The following PTPRK variants were observed in gnomAD, a reference collection of about 807,000 sequenced individuals.
The protein encoded by PTPRK is protein tyrosine phosphatase receptor type K, also known as receptor-type tyrosine-protein phosphatase kappa.
A neutral mutation model predicts 178.0 loss-of-function variants in PTPRK; 75 were observed. That is an observed-to-expected ratio of 0.42 (90% confidence interval 0.35 to 0.51). PTPRK has a LOEUF of 0.51. Ranked by LOEUF, PTPRK falls within the 20% of genes least tolerant of loss-of-function variation. PTPRK has a pLI of 0.02. For missense variants in PTPRK, 1,441 were observed against 1,797.8 expected, an observed-to-expected ratio of 0.80 and a Z score of 3.59; for synonymous variants, 637 against 620.6, an observed-to-expected ratio of 1.03 and a Z score of -0.39.
In PTPRK at chr6:128,208,486, G is replaced by A. The variant is rs1035655148; in HGVS notation, c.868+10436C>T. On this transcript the variant is annotated intron_variant, in intron 6 of 29. Transcript: ENST00000368226. ...AGAGGAAAAAGATTTCCACTTAACC[G>A]ACAACCAAAATACAGTCAGGAATCT... Among the ~76,000 whole-genome samples, 10 of 152,098 alleles carry A rather than the reference G, an allele frequency of 6.6e-5. 1 individual carries two copies. In the South Asian group the frequency reaches 1.2e-3, roughly 19 times the overall value.
At chr6:128,472,375 G>GAC in intron 1 of PTPRK, among the ~76,000 whole-genome samples, 1 of 150,652 alleles carries the variant, frequency 6.6e-6, no homozygotes, top group South Asian at 2.1e-4. Flanking sequence ...TTTGTTTTTT[G>GAC]ACACCCTCCC....
chr6:128,443,548 A>T (rs1846560639), intron 1 of PTPRK, among the ~76,000 whole-genome samples: 1 of 152,218 alleles, frequency 6.6e-6, no homozygotes, highest in Non-Finnish European at 1.5e-5. Context: ...TAGTCATCCA[A>T]GTGGCAGAGA....
Position 128,080,632 on chromosome 6 carries a change from T to C in PTPRK, c.1778-1714A>G, listed in dbSNP as rs1345426920. Among the ~76,000 whole-genome samples the C allele has an allele frequency of 2.6e-5, 4 of 152,082 alleles. No individual in the cohort carries two copies. In the East Asian group the frequency reaches 7.7e-4, roughly 29 times the overall value. On this transcript the variant is annotated intron_variant, in intron 10 of 29. Transcript: ENST00000368226. Reference sequence around the variant, plus strand: ...GTGTATATGTGTGTATGTGAATGTATGTGTATGTATAAATAATTCCCCCAA... The same window carrying C: ...GTGTATATGTGTGTATGTGAATGTACGTGTATGTATAAATAATTCCCCCAA...
chr6:128,235,020 C>T (rs560727722), intron 5 of PTPRK, among the ~76,000 whole-genome samples: 1 of 152,184 alleles, frequency 6.6e-6, no homozygotes, highest in East Asian at 1.9e-4. Flanking sequence ...TTGGAATGTC[C>T]TTAACACAAA....
intron 2 of PTPRK, among the ~76,000 whole-genome samples, chr6:128,394,428 T>G (rs1188611293): frequency 6.6e-6 from 1 of 152,202 alleles, no homozygotes; most frequent in Non-Finnish European, 1.5e-5. Flanking sequence ...AGATTTATGC[T>G]CCAACAGTAG....
At chr6:128,479,130 C>G (rs1021984702) in intron 1 of PTPRK, among the ~76,000 whole-genome samples, 1 of 152,070 alleles carries the variant, frequency 6.6e-6, no homozygotes, top group Non-Finnish European at 1.5e-5. Flanking sequence ...TAATGACTAG[C>G]CCAGAAAACT....
At chr6:128,513,086 T>C (rs967970724) in intron 1 of PTPRK, among the ~76,000 whole-genome samples, 1 of 152,056 alleles carries the variant, frequency 6.6e-6, no homozygotes, top group Non-Finnish European at 1.5e-5. Flanking sequence ...TATGAAAATA[T>C]TTTTTTTCAA....
At chr6:128,280,862 A>T (rs1821558759) in intron 3 of PTPRK, among the ~76,000 whole-genome samples, 1 of 152,178 alleles carries the variant, frequency 6.6e-6, no homozygotes, top group African/African-American at 2.4e-5. Flanking sequence ...GTTATGTTAG[A>T]TGTTTGGGAC....
intron 14 of PTPRK, among the ~76,000 whole-genome samples, chr6:128,008,316 G>C (rs1453053205): frequency 7.5e-6 from 1 of 133,840 alleles, no homozygotes; most frequent in Admixed American, 8.3e-5. Context: ...TTTTAGGACT[G>C]TACTTTTGCT....
chr6:128,203,927 TA>T (rs1806437967), intron 6 of PTPRK, among the ~76,000 whole-genome samples: 1 of 152,128 alleles, frequency 6.6e-6, no homozygotes, highest in South Asian at 2.1e-4. Flanking sequence ...AAAACTATTT[TA>T]AAATTCATAT....
At chr6:128,136,175 T>C (rs1794989509) in intron 7 of PTPRK, among the ~76,000 whole-genome samples, 1 of 152,132 alleles carries the variant, frequency 6.6e-6, no homozygotes, top group African/African-American at 2.4e-5. Flanking sequence ...GAGAGAGGCC[T>C]AAGAGGAACC....
chr6:127,979,727 C>A (rs1330916032), intron 25 of PTPRK, among the ~76,000 whole-genome samples: 2 of 152,086 alleles, frequency 1.3e-5, no homozygotes, highest in African/African-American at 4.8e-5. Context: ...TTAACAGGAA[C>A]AATAACTTAG....
chr6:128,196,136 T>A (rs1269792282), intron 6 of PTPRK, among the ~76,000 whole-genome samples: 1 of 152,078 alleles, frequency 6.6e-6, no homozygotes, highest in African/African-American at 2.4e-5. Context: ...AGGCAGGTTT[T>A]CATGGGCAAT....
At chr6:128,019,392 A>G (rs547552532) in intron 13 of PTPRK, among the ~76,000 whole-genome samples, 2 of 152,266 alleles carry the variant, frequency 1.3e-5, no homozygotes, top group Admixed American at 6.5e-5. Flanking sequence ...ACTACCTAAC[A>G]AAAAGAAAGG....
chr6:128,497,413 C>T (rs138727176), intron 1 of PTPRK, among the ~76,000 whole-genome samples: 2,361 of 152,186 alleles, frequency 0.016, 67 homozygotes, highest in African/African-American at 0.053. Context: ...AGTTTGAGAC[C>T]ATCCTGGGCA....
At chr6:128,240,886 C>T (rs2128283651) in intron 4 of PTPRK, among the ~76,000 whole-genome samples, 1 of 152,258 alleles carries the variant, frequency 6.6e-6, no homozygotes, top group East Asian at 1.9e-4. Flanking sequence ...CCATGTTTCC[C>T]ATTGAAAGGA....
chr6:128,474,869 A>G (rs528761471), intron 1 of PTPRK, among the ~76,000 whole-genome samples: 1 of 152,260 alleles, frequency 6.6e-6, no homozygotes, highest in African/African-American at 2.4e-5. Flanking sequence ...CTTAAGAACC[A>G]TTAGTACTTG....
chr6:128,121,085 T>C (rs1234676198), intron 7 of PTPRK, among the ~76,000 whole-genome samples: 1 of 151,934 alleles, frequency 6.6e-6, no homozygotes, highest in Non-Finnish European at 1.5e-5. Flanking sequence ...CATGCTGAAC[T>C]TCAAGAGCTT....
intron 13 of PTPRK, among the ~76,000 whole-genome samples, chr6:128,010,899 C>T: frequency 6.6e-6 from 1 of 151,182 alleles, no homozygotes; most frequent in African/African-American, 2.4e-5. Context: ...TATATTCCGG[C>T]TGTAGGGAAT....
Sources: gnomAD v4.1 joint callset for allele counts (sites outside exome capture counted in the v4.1 genomes callset) on GRCh38, gnomAD v4.1.1 for gene constraint, MANE v1.5 for transcripts, NCBI Gene and HGNC (gene_info 2026-07-23, HGNC 2026-07-21) for gene names.